Variants in CDK15 observed in about 807,000 individuals in gnomAD.
CDK15 encodes cyclin-dependent kinase 15.
A neutral mutation model predicts 60.3 loss-of-function variants in CDK15; 62 were observed. The ratio of observed to expected loss-of-function variants is 1.03; its 90% CI spans 0.84 to 1.27. The LOEUF is 1.27. Among genes scored for constraint, CDK15 ranks in the 50% most tolerant of loss-of-function variants. The pLI is 0.00. For synonymous variants in CDK15, 194 were observed against 195.7 expected (o/e 0.99, Z 0.07); for missense variants, 541 against 527.8 (o/e 1.03, Z -0.25).
At chr2:201,835,801 C>G in intron 8 of CDK15, 38 bp downstream of exon 8, 1 of 1,423,040 alleles carries the variant, frequency 7.0e-7, no homozygotes, top group East Asian at 2.6e-5. Context: ...TCATCCTACT[C>G]ACGAGGGTTG....
chr2:201,860,596 CTAGAA>C, intron 10 of CDK15: 1 of 834,716 alleles, frequency 1.2e-6, no homozygotes, highest in Admixed American at 3.1e-5. Context: ...AGTTTTTCCA[CTAGAA>C]GAACGTAATG....
intron 10 of CDK15, among the ~76,000 whole-genome samples, chr2:201,858,344 CCTCCCTCCCTTCCTTCCTTCCCTTT>C: frequency 6.7e-6 from 1 of 150,060 alleles, no homozygotes; most frequent in East Asian, 2.0e-4. Flanking sequence ...TCCTTCCCTC[CCTCCCTCCCTTCCTTCCTTCCCTTT>C]CTCCCTCCCT....
rs779138761 is a variant in CDK15 at position 201,806,787 on chromosome 2, G to T, written c.123G>T (p.Lys41Asn). The T allele has an allele frequency of 3.1e-6, 5 of 1,598,238 alleles. No individual in the cohort carries two copies. The African/African-American group carries it at 4.0e-5, about 13-fold the overall frequency. Residue 41 changes from lysine to asparagine, a missense_variant and splice_region_variant, in exon 1 of 14, where the codon AAG becomes AAT. Physicochemically the swap from Lys to Asn is moderately conservative, Grantham distance 94. Coordinates refer to ENST00000652192, the MANE Select transcript of CDK15 (RefSeq NM_001366386.2). ...SQPETTEAAF[K>N]LTDLKEASCS... is the part of the protein sequence containing the mutation. The stretch of plus-strand genomic sequence containing the variant: ...CTGAGACCACGGAGGCTGCGTTCAA[G>T]GTATTTGTATCCCAGGAGAGAGCAT...
chr2:201,848,667 T>C (rs147059394), intron 9 of CDK15, among the ~76,000 whole-genome samples: 1 of 152,342 alleles, frequency 6.6e-6, no homozygotes, highest in African/African-American at 2.4e-5. Flanking sequence ...TTTCCGTATC[T>C]GGCTTATGTC....
intron 3 of CDK15, 23 bp downstream of exon 3, chr2:201,807,975 A>G (rs751194818): frequency 1.9e-6 from 3 of 1,590,054 alleles, no homozygotes; most frequent in South Asian, 2.2e-5. Context: ...TAGCTGGGAG[A>G]GACTTTAGAG....
rs948882592 is a variant in CDK15 at position 201,894,115 on chromosome 2, CCCT to C, written c.*850_*852del. The C allele has an allele frequency of 4.5e-5, 6 of 133,412 alleles. No homozygotes were observed. The highest frequency in any genetic ancestry group is 2.1e-4 in the African/African-American group (6 of 28,708). The allele number at this position is 133,412 out of a possible 1,614,324, so 8.3% of individuals were successfully genotyped here. ...CACACACACACACACACACACACACCCCTCAAGTAAAATGAGAGATCTGTCTTA... is the reference window on the plus strand; with the variant it reads ...CACACACACACACACACACACACACCCAAGTAAAATGAGAGATCTGTCTTA... On this transcript the variant is annotated 3_prime_UTR_variant, in exon 14 of 14. Coordinates refer to ENST00000652192, the MANE Select transcript of CDK15 (RefSeq NM_001366386.2).
intron 6 of CDK15, among the ~76,000 whole-genome samples, chr2:201,825,173 G>C (rs1427418693): frequency 1.3e-5 from 2 of 151,972 alleles, no homozygotes; most frequent in African/African-American, 4.8e-5. Flanking sequence ...AATTAGCCAG[G>C]TGTGGTGGCG....
chr2:201,859,108 G>A (rs1398950460), intron 10 of CDK15, among the ~76,000 whole-genome samples: 1 of 152,126 alleles, frequency 6.6e-6, no homozygotes, highest in Non-Finnish European at 1.5e-5. Context: ...GTGGGGGAGG[G>A]GAGAGAGTTT....
rs779480760 is a variant in CDK15 at position 201,822,888 on chromosome 2, C to T, written c.528C>T (p.Phe176=). Residue 176 remains phenylalanine, a synonymous_variant, in exon 5 of 14, where the codon TTC becomes TTT. Coordinates refer to ENST00000652192, the MANE Select transcript of CDK15 (RefSeq NM_001366386.2). ...DIIHTKETLT[F]VFEYMHTDLA... is the part of the protein sequence containing the mutation. ...TCCACACCAAAGAGACACTGACATTCGTTTTTGAATACATGGTGAGTTGTT... is the reference window on the plus strand; with the variant it reads ...TCCACACCAAAGAGACACTGACATTTGTTTTTGAATACATGGTGAGTTGTT... The T allele has an allele frequency of 6.8e-6, 11 of 1,607,378 alleles. No individual in the cohort carries two copies. The highest frequency in any genetic ancestry group is 1.3e-5 in the African/African-American group (1 of 74,880).
intron 3 of CDK15, among the ~76,000 whole-genome samples, chr2:201,810,798 C>T (rs1695721737): frequency 6.8e-6 from 1 of 148,006 alleles, no homozygotes; most frequent in South Asian, 2.1e-4. Flanking sequence ...TGACTAAGGT[C>T]AACATCAAAA....
intron 8 of CDK15, among the ~76,000 whole-genome samples, chr2:201,843,434 G>A (rs564984610): frequency 9.1e-4 from 138 of 152,042 alleles, no homozygotes; most frequent in Middle Eastern, 3.4e-3. Context: ...TGCCCGCCTC[G>A]GCCTCCCAAA....
At chr2:201,845,105 C>T (rs1319646011) in intron 8 of CDK15, among the ~76,000 whole-genome samples, 2 of 151,720 alleles carry the variant, frequency 1.3e-5, no homozygotes, top group Non-Finnish European at 2.9e-5. Flanking sequence ...GCTGAGATTG[C>T]ACCACTGCAC....
In CDK15 at chr2:201,821,721, A is replaced by G. The variant is rs565774034; in HGVS notation, c.449-1088A>G. ...AGTCTCGCTCTGTCACCCAGGCCAG[A>G]GTGCAGTGGTGCAATCTTGGCTCAC... On this transcript the variant is annotated intron_variant, in intron 4 of 13. Transcript: ENST00000652192. 2.2e-4 allele frequency among the ~76,000 whole-genome samples: 34 copies of G among 152,254 alleles called. 1 individual carries two copies. In the East Asian group the frequency reaches 6.4e-3, roughly 29 times the overall value.
intron 12 of CDK15, among the ~76,000 whole-genome samples, chr2:201,884,125 G>A (rs762843634): frequency 8.5e-5 from 13 of 152,156 alleles, no homozygotes; most frequent in Non-Finnish European, 1.3e-4. Context: ...TAAATGACAC[G>A]TGATTTAAGA....
intron 10 of CDK15, among the ~76,000 whole-genome samples, chr2:201,865,156 C>T (rs1207380997): frequency 2.0e-5 from 3 of 152,164 alleles, no homozygotes; most frequent in East Asian, 1.9e-4. Flanking sequence ...CAATGCTGAG[C>T]TCATTGGCTG....
At chr2:201,885,381 T>A (rs1458297318) in intron 12 of CDK15, among the ~76,000 whole-genome samples, 2 of 152,222 alleles carry the variant, frequency 1.3e-5, no homozygotes, top group Non-Finnish European at 2.9e-5. Flanking sequence ...GGGAAGATTC[T>A]CAGCCATCCT....
chr2:201,878,679 TGC>T (rs762133822), intron 11 of CDK15, among the ~76,000 whole-genome samples: 1 of 152,162 alleles, frequency 6.6e-6, no homozygotes, highest in Non-Finnish European at 1.5e-5. Flanking sequence ...ACTGAGTGAT[TGC>T]CAATTAATAG....
rs10713854 is a variant in CDK15 at position 201,853,731 on chromosome 2, TAA to T, written c.946-1131_946-1130del. ...TCTATGGGCTTTTATGATTATTCTT[TAA>T]AAAAAAAAAAATACTAAGGTAATGC... On this transcript the variant is annotated intron_variant, in intron 9 of 13. Transcript: ENST00000652192. Among the ~76,000 whole-genome samples, 1,251 of 148,576 alleles carry T rather than the reference TAA, an allele frequency of 8.4e-3. 10 individuals are homozygous for T. The highest frequency in any genetic ancestry group is 0.025 in the East Asian group (129 of 5,114).
At chr2:201,885,358 T>C (rs1466170147) in intron 12 of CDK15, among the ~76,000 whole-genome samples, 1 of 152,156 alleles carries the variant, frequency 6.6e-6, no homozygotes, top group Non-Finnish European at 1.5e-5. Flanking sequence ...CTGGGGATGT[T>C]GGAAAAGAGG....
Sources: allele counts gnomAD v4.1 joint callset (sites outside exome capture counted in the v4.1 genomes callset), GRCh38; gene constraint gnomAD v4.1.1; transcripts MANE v1.5; gene names NCBI Gene and HGNC (gene_info 2026-07-23, HGNC 2026-07-21).